XXYLT1: variants seen among roughly 807,000 people sequenced by gnomAD.
The protein encoded by XXYLT1 is xyloside xylosyltransferase 1, also known as UDP-xylose:alpha-xyloside alpha-1,3-xylosyltransferase.
A neutral mutation model predicts 28.9 loss-of-function variants in XXYLT1; 20 were observed. The ratio of observed to expected loss-of-function variants is 0.69; its 90% CI spans 0.49 to 1.00. The LOEUF is 1.00. Ranked by LOEUF, XXYLT1 falls within the 50% of genes least tolerant of loss-of-function variation. The pLI, the probability that XXYLT1 is intolerant of heterozygous loss-of-function variation, is 0.00. For missense variants in XXYLT1, 542 were observed against 560.1 expected (o/e 0.97, Z 0.33); for synonymous variants, 257 against 253.8 (o/e 1.01, Z -0.12).
chr3:195,243,249 C>T (rs1560171080), intron 1 of XXYLT1, among the ~76,000 whole-genome samples: 3 of 151,736 alleles, frequency 2.0e-5, no homozygotes, highest in African/African-American at 4.8e-5. Flanking sequence ...TTAGGAGATA[C>T]ACGTAATGTA....
In XXYLT1 at chr3:195,110,858, AGT is replaced by A. The variant is rs571994587; in HGVS notation, c.786-40749_786-40748del. 9.3e-4 allele frequency among the ~76,000 whole-genome samples: 11 copies of A among 11,876 alleles called. 1 individual carries two copies. Among genetic ancestry groups the A allele is most frequent in the African/African-American group, 1.8e-3 (6 of 3,320 alleles). The allele number at this position is 11,876 out of a possible 152,430, so 7.8% of individuals were successfully genotyped here. ...TGTGGTGTGTTGTGTGTGTTGTATA[AGT>A]GTGTGTGTGGTGTGTGGTGTATGTG... is the stretch of plus-strand genomic sequence containing the variant. On this transcript the variant is annotated intron_variant, in intron 3 of 3. Coordinates refer to ENST00000310380, the MANE Select transcript of XXYLT1 (RefSeq NM_152531.5).
chr3:195,080,533 T>C (rs909897584), intron 3 of XXYLT1, among the ~76,000 whole-genome samples: 4 of 148,618 alleles, frequency 2.7e-5, no homozygotes, highest in Non-Finnish European at 4.5e-5. Context: ...TTCCCTGAAT[T>C]TAAGGGAGCG....
At chr3:195,208,283 G>A (rs1038549909) in intron 2 of XXYLT1, among the ~76,000 whole-genome samples, 17 of 151,942 alleles carry the variant, frequency 1.1e-4, no homozygotes, top group Non-Finnish European at 1.9e-4. Context: ...AGGGCAAACC[G>A]CACATCTGAC....
At chr3:195,104,823 A>ACC (rs1428857050) in intron 3 of XXYLT1, among the ~76,000 whole-genome samples, 1 of 152,024 alleles carries the variant, frequency 6.6e-6, no homozygotes, top group Admixed American at 6.6e-5. Context: ...CACACCAAAA[A>ACC]CCCTCTTCTG....
chr3:195,118,401 A>G (rs2131878), intron 3 of XXYLT1, among the ~76,000 whole-genome samples: 112,576 of 152,194 alleles, frequency 0.74, 42,129 homozygotes, highest in African/African-American at 0.8. Context: ...GTGACTACAC[A>G]ATGACTGCCT....
At chr3:195,107,886 C>G (rs1315496367) in intron 3 of XXYLT1, among the ~76,000 whole-genome samples, 1 of 152,122 alleles carries the variant, frequency 6.6e-6, no homozygotes, top group Non-Finnish European at 1.5e-5. Context: ...CCGCCCAGGC[C>G]TCCGCACAGT....
Position 195,226,968 on chromosome 3 carries a change from G to C in XXYLT1, c.505-112C>G, listed in dbSNP as rs888393787. 7 of 1,342,350 alleles carry C rather than the reference G, an allele frequency of 5.2e-6. No homozygotes were observed. The African/African-American group carries it at 1.0e-4, about 20-fold the overall frequency. The allele number at this position is 1,342,350 out of a possible 1,614,324, so 83.2% of individuals were successfully genotyped here. On this transcript the variant is annotated intron_variant, in intron 1 of 3. Coordinates refer to ENST00000310380, the MANE Select transcript of XXYLT1 (RefSeq NM_152531.5). Reference sequence around the variant, plus strand: ...GCAGAGGCAGACAGTGCCTCTCCAGGGTCCACAAGCAGGGGATGGGGCTAG... The same window carrying C: ...GCAGAGGCAGACAGTGCCTCTCCAGCGTCCACAAGCAGGGGATGGGGCTAG...
rs1361399175 is a variant in XXYLT1 at position 195,110,733 on chromosome 3, G to A, written c.786-40622C>T. Among the ~76,000 whole-genome samples the A allele has an allele frequency of 2.9e-4, 34 of 118,818 alleles. No homozygotes were observed. In the Admixed American group the frequency reaches 2.9e-3, roughly 10 times the overall value. The allele number at this position is 118,818 out of a possible 152,430, so 77.9% of individuals were successfully genotyped here. A position where few individuals can be genotyped will look rare whatever the true frequency, so the allele number is the denominator to read the frequency against. ...TGTGTGTGGTGTGTGTGTGTGTGCT[G>A]TATGTGTGCATGTGTGTGGTGTATA... On this transcript the variant is annotated intron_variant, in intron 3 of 3. Coordinates refer to ENST00000310380, the MANE Select transcript of XXYLT1 (RefSeq NM_152531.5).
intron 1 of XXYLT1, among the ~76,000 whole-genome samples, chr3:195,229,724 T>G (rs1157429186): frequency 6.6e-6 from 1 of 152,268 alleles, no homozygotes; most frequent in African/African-American, 2.4e-5. Flanking sequence ...AGGATCTCAT[T>G]CTTATTTATG....
intron 3 of XXYLT1, among the ~76,000 whole-genome samples, chr3:195,131,065 G>A (rs772707984): frequency 2.8e-5 from 4 of 145,440 alleles, no homozygotes; most frequent in Non-Finnish European, 6.0e-5. Flanking sequence ...TGCCCTCTAC[G>A]GCCTATTCTC....
At chr3:195,265,460 T>C (rs530613265) in intron 1 of XXYLT1, among the ~76,000 whole-genome samples, 9 of 152,046 alleles carry the variant, frequency 5.9e-5, no homozygotes, top group Non-Finnish European at 1.0e-4. Flanking sequence ...GGAAGGTCTT[T>C]CTGAACAGTT....
chr3:195,189,820 G>T (rs1166353032), intron 2 of XXYLT1, among the ~76,000 whole-genome samples: 2 of 152,076 alleles, frequency 1.3e-5, no homozygotes, highest in African/African-American at 2.4e-5. Flanking sequence ...TCCCAAACTT[G>T]ATGTAAAACA....
chr3:195,148,494 G>T (rs1719993920), intron 3 of XXYLT1, among the ~76,000 whole-genome samples: 1 of 151,852 alleles, frequency 6.6e-6, no homozygotes, highest in African/African-American at 2.4e-5. Flanking sequence ...TCATCTTCAG[G>T]TGTCAGAGAG....
At chr3:195,117,114 T>TATACACACACACAC (rs1553805413) in intron 3 of XXYLT1, among the ~76,000 whole-genome samples, 1 of 148,630 alleles carries the variant, frequency 6.7e-6, no homozygotes, top group Non-Finnish European at 1.5e-5. Flanking sequence ...ATATAGTGTA[T>TATACACACACACAC]ACACACACAC....
Position 195,115,540 on chromosome 3 carries a change from C to T in XXYLT1, c.785+40909G>A, listed in dbSNP as rs1177746767. ...CCTGGAGTGGTTTCTGCTTCCTACG[C>T]GATCCCTGGTTGATAAACCCTGCCT... On this transcript the variant is annotated intron_variant, in intron 3 of 3. Coordinates refer to ENST00000310380, the MANE Select transcript of XXYLT1 (RefSeq NM_152531.5). This position sits in a 1 kb window ranked among gnomAD's most constrained non-coding sequence, Gnocchi z 4.2. 3.3e-5 allele frequency among the ~76,000 whole-genome samples: 5 copies of T among 152,222 alleles called. No homozygotes were observed. The highest frequency in any genetic ancestry group is 7.3e-5 in the Non-Finnish European group (5 of 68,034).
intron 3 of XXYLT1, among the ~76,000 whole-genome samples, chr3:195,120,306 T>G (rs948952132): frequency 2.1e-5 from 1 of 46,754 alleles, no homozygotes; most frequent in South Asian, 5.1e-4. Context: ...CCAGCCCCCA[T>G]GGCCACAGAG....
rs1285934867 is a variant in XXYLT1 at position 195,202,699 on chromosome 3, A to C, written c.652+24010T>G. Among the ~76,000 whole-genome samples, 4 of 152,224 alleles carry C rather than the reference A, an allele frequency of 2.6e-5. No homozygotes were observed. In the East Asian group the frequency reaches 7.7e-4, roughly 29 times the overall value. ...GGGTCCACAAGCCCAAGCTAAGAGG[A>C]TATCTTGAGACTATCCGATGCATAG... is the stretch of plus-strand genomic sequence containing the variant. On this transcript the variant is annotated intron_variant, in intron 2 of 3. Transcript: ENST00000310380.
intron 3 of XXYLT1, among the ~76,000 whole-genome samples, chr3:195,136,331 CA>C (rs972102609): frequency 2.3e-4 from 35 of 152,080 alleles, no homozygotes; most frequent in Non-Finnish European, 4.1e-4. Flanking sequence ...CACCCCGGCC[CA>C]AAAAAATAAA....
At chr3:195,252,727 C>CACAGAGAGAGAG (rs1191544595) in intron 1 of XXYLT1, among the ~76,000 whole-genome samples, 1 of 119,084 alleles carries the variant, frequency 8.4e-6, no homozygotes, top group African/African-American at 4.0e-5. Flanking sequence ...CACACACACA[C>CACAGAGAGAGAG]AGAGAGAGAG....
Sources: allele counts gnomAD v4.1 joint callset (sites outside exome capture counted in the v4.1 genomes callset), GRCh38; gene constraint gnomAD v4.1.1; non-coding constraint Gnocchi (gnomAD v3.1); transcripts MANE v1.5; gene names NCBI Gene and HGNC (gene_info 2026-07-23, HGNC 2026-07-21).